The following EVI5 variants were observed in gnomAD, a reference collection of about 807,000 sequenced individuals.
EVI5 encodes the protein ecotropic viral integration site 5 protein homolog.
Under a neutral mutation model 112.0 loss-of-function variants are expected in EVI5, and 73 were observed. That is an observed-to-expected ratio of 0.65 (90% CI 0.54 to 0.79). EVI5 has a LOEUF of 0.79. EVI5 is among the 30% of genes least tolerant of loss of function. The pLI is 0.00. For missense variants in EVI5, 900 were observed against 968.8 expected, an observed-to-expected ratio of 0.93 and a Z score of 0.94; for synonymous variants, 305 against 319.9, an observed-to-expected ratio of 0.95 and a Z score of 0.50.
intron 18 of EVI5, among the ~76,000 whole-genome samples, chr1:92,592,468 G>A (rs894722444): frequency 6.6e-6 from 1 of 152,116 alleles, no homozygotes; most frequent in Non-Finnish European, 1.5e-5. Flanking sequence ...AGAGAAAGCA[G>A]GAAGATCTAA....
chr1:92,654,017 C>T (rs1034267055), intron 13 of EVI5, among the ~76,000 whole-genome samples: 2 of 151,894 alleles, frequency 1.3e-5, no homozygotes, highest in African/African-American at 2.4e-5. Context: ...AGCTTCCCTG[C>T]CACCCCCACT....
intron 14 of EVI5, among the ~76,000 whole-genome samples, chr1:92,633,650 T>G (rs36199909): frequency 6.6e-6 from 1 of 152,268 alleles, no homozygotes; most frequent in African/African-American, 2.4e-5. Flanking sequence ...TGTCTTTTAA[T>G]TGGAGCATTT....
At chr1:92,661,972 T>G (rs941644746) in intron 13 of EVI5, among the ~76,000 whole-genome samples, 2 of 152,152 alleles carry the variant, frequency 1.3e-5, no homozygotes, top group African/African-American at 4.8e-5. Flanking sequence ...TTGGCTTTTC[T>G]TTTACCCTCA....
At chr1:92,650,735 T>C (rs1661940688) in intron 13 of EVI5, among the ~76,000 whole-genome samples, 1 of 152,144 alleles carries the variant, frequency 6.6e-6, no homozygotes, top group East Asian at 1.9e-4. Flanking sequence ...AATTACTCAA[T>C]TTTATCTCTG....
At chr1:92,599,444 T>C (rs1394489634) in intron 18 of EVI5, among the ~76,000 whole-genome samples, 1 of 152,012 alleles carries the variant, frequency 6.6e-6, no homozygotes, top group Admixed American at 6.6e-5. Context: ...CTAAAATATA[T>C]TACTTTGATA....
At chr1:92,600,452 T>G (rs2101512513) in intron 18 of EVI5, among the ~76,000 whole-genome samples, 1 of 152,326 alleles carries the variant, frequency 6.6e-6, no homozygotes, top group South Asian at 2.1e-4. Context: ...TTTAAATTAT[T>G]AAACCATTTA....
chr1:92,612,726 G>GA (rs11290213), intron 16 of EVI5, among the ~76,000 whole-genome samples: 27 of 109,756 alleles, frequency 2.5e-4, no homozygotes, highest in African/African-American at 6.8e-4. Context: ...AAAAAAAAAG[G>GA]AAAAAAAAAA....
rs947207216 is a variant in EVI5 at position 92,636,256 on chromosome 1, A to T, written c.1473T>A (p.Ala491=). ...TCTCTTTTAATGCACACTGAGACTC[A>T]GCTTCACTCAGTCGGGCTTGGACCA... ...KELVQARLSE[A]ESQCALKEMQ... Residue 491 remains alanine, a synonymous_variant, in exon 14 of 20, where the codon GCT becomes GCA. Transcript: ENST00000684568. The T allele has an allele frequency of 1.2e-6, 2 of 1,613,466 alleles. No homozygotes were observed. Among genetic ancestry groups the T allele is most frequent in the Non-Finnish European group, 1.7e-6 (2 of 1,179,418 alleles).
chr1:92,539,966 C>T (rs940449813), intron 19 of EVI5, among the ~76,000 whole-genome samples: 25 of 152,102 alleles, frequency 1.6e-4, no homozygotes, highest in Non-Finnish European at 2.9e-4. Context: ...CAATATGTGG[C>T]CTTCTGTGAC....
chr1:92,771,877 C>T (rs755980797), intron 1 of EVI5, among the ~76,000 whole-genome samples: 1 of 151,874 alleles, frequency 6.6e-6, no homozygotes, highest in African/African-American at 2.4e-5. Flanking sequence ...TTTTTTGAGA[C>T]GGAGTCTCGC....
intron 10 of EVI5, among the ~76,000 whole-genome samples, chr1:92,675,536 TC>T (rs1666585404): frequency 6.6e-6 from 1 of 151,970 alleles, no homozygotes; most frequent in Non-Finnish European, 1.5e-5. Flanking sequence ...GGCTTCCCCA[TC>T]CTCAGATTCT....
At chr1:92,597,208 C>T (rs573080070) in intron 18 of EVI5, among the ~76,000 whole-genome samples, 30 of 151,864 alleles carry the variant, frequency 2.0e-4, no homozygotes, top group Non-Finnish European at 3.7e-4. Flanking sequence ...ATTTTAAAAT[C>T]CTCTTGTTCT....
chr1:92,703,956 T>TACTGTTATTC (rs1671598414), intron 3 of EVI5: 1 of 84,316 alleles, frequency 1.2e-5, no homozygotes, highest in Non-Finnish European at 2.1e-5. Context: ...AAAAGGAAAA[T>TACTGTTATTC]ACTGTTATTC....
chr1:92,597,362 T>C (rs957886421), intron 18 of EVI5, among the ~76,000 whole-genome samples: 2 of 152,306 alleles, frequency 1.3e-5, no homozygotes, highest in Middle Eastern at 3.4e-3. Flanking sequence ...AGCAAAAAAA[T>C]TCTGATAATA....
intron 3 of EVI5, 173 bp from the exon 4 acceptor site, chr1:92,703,792 C>T (rs900690762): frequency 1.9e-5 from 11 of 567,444 alleles, no homozygotes; most frequent in Non-Finnish European, 3.3e-5. Context: ...TAAGATTGGG[C>T]CCTGGGTGTA....
At chr1:92,558,105 C>T (rs1398787028) in intron 19 of EVI5, among the ~76,000 whole-genome samples, 3 of 152,124 alleles carry the variant, frequency 2.0e-5, no homozygotes, top group African/African-American at 7.2e-5. Flanking sequence ...ATTTAAATAA[C>T]TACGCTGAAA....
intron 13 of EVI5, among the ~76,000 whole-genome samples, chr1:92,652,101 T>A (rs560387894): frequency 6.6e-5 from 10 of 152,256 alleles, no homozygotes; most frequent in African/African-American, 2.2e-4. Flanking sequence ...AACCCAAATG[T>A]CCATCAACAA....
intron 2 of EVI5, among the ~76,000 whole-genome samples, chr1:92,731,777 AAGT>A (rs1458926186): frequency 2.0e-5 from 3 of 152,218 alleles, no homozygotes; most frequent in Admixed American, 2.0e-4. Flanking sequence ...AAAAATGCAA[AAGT>A]AATTAAGTAA....
chr1:92,734,768 A>C (rs775881139), intron 2 of EVI5, among the ~76,000 whole-genome samples: 3 of 152,238 alleles, frequency 2.0e-5, no homozygotes, highest in Non-Finnish European at 4.4e-5. Flanking sequence ...CATGTGCTTG[A>C]TACAAGACTT....
Sources: gnomAD v4.1 joint callset for allele counts (sites outside exome capture counted in the v4.1 genomes callset) on GRCh38, gnomAD v4.1.1 for gene constraint, MANE v1.5 for transcripts, NCBI Gene and HGNC (gene_info 2026-07-23, HGNC 2026-07-21) for gene names.